Variants in CASC3 observed in about 807,000 individuals in gnomAD.
CASC3 encodes the protein protein CASC3.
A neutral mutation model predicts 80.5 loss-of-function variants in CASC3; 30 were observed. The observed-to-expected ratio is 0.37, with a 90% CI of 0.28 to 0.51. The LOEUF (loss-of-function observed/expected upper bound fraction) is 0.51, where lower values mean the gene tolerates loss of function less well. Among genes scored for constraint, CASC3 ranks in the 20% least tolerant of loss-of-function variants. The probability of loss-of-function intolerance (pLI) is 0.94; values close to 1 mark genes in which losing one functional copy is unlikely to be tolerated. For synonymous variants in CASC3, 312 were observed against 333.6 expected (o/e 0.94, Z 0.70); for missense variants, 824 against 922.2 (o/e 0.89, Z 1.38).
chr17:40,142,941 G>A (rs1988758918), intron 3 of CASC3, among the ~76,000 whole-genome samples: 2 of 151,460 alleles, frequency 1.3e-5, no homozygotes, highest in South Asian at 4.2e-4. Flanking sequence ...ACAAAAATTA[G>A]CTTGGTGTGG....
intron 3 of CASC3, among the ~76,000 whole-genome samples, chr17:40,147,809 T>TA (rs1988897824): frequency 6.6e-6 from 1 of 152,206 alleles, no homozygotes; most frequent in South Asian, 2.1e-4. Flanking sequence ...TAGGTGGTGA[T>TA]ACCTGGTAAA....
At chr17:40,157,073 C>T (rs1053565957) in intron 3 of CASC3, among the ~76,000 whole-genome samples, 2 of 151,960 alleles carry the variant, frequency 1.3e-5, no homozygotes, top group South Asian at 2.1e-4. Flanking sequence ...TGGCCGGGCG[C>T]GGTGGCTCAC....
chr17:40,141,673 T>C (rs1988721504), intron 3 of CASC3, 66 bp downstream of exon 3: 2 of 1,169,812 alleles, frequency 1.7e-6, no homozygotes, highest in South Asian at 2.6e-5. Context: ...TGTACACACC[T>C]TCGTTGCAAA....
At chr17:40,145,640 G>A (rs567504081) in intron 3 of CASC3, among the ~76,000 whole-genome samples, 1 of 152,082 alleles carries the variant, frequency 6.6e-6, no homozygotes, top group South Asian at 2.1e-4. Flanking sequence ...AGGATTGCTT[G>A]AGCCTGGGAA....
intron 7 of CASC3, among the ~76,000 whole-genome samples, chr17:40,164,906 C>A (rs886757286): frequency 1.3e-5 from 2 of 150,980 alleles, no homozygotes; most frequent in Non-Finnish European, 2.9e-5. Context: ...CAGGCTCTCA[C>A]CACCACACCT....
In CASC3 at chr17:40,163,838, A is replaced by G. The variant is rs1204419551; in HGVS notation, c.1143A>G (p.Ser381=). The change falls in exon 7 of 14, where the codon TCA becomes TCG. Residue 381 remains serine, a synonymous_variant. Transcript: ENST00000264645. ...GTCCTGAGAAGGAAGAGGCAGCCTCAGAGCCACCAGCTGCTGCTCCTGATG... is the reference window on the plus strand; with the variant it reads ...GTCCTGAGAAGGAAGAGGCAGCCTCGGAGCCACCAGCTGCTGCTCCTGATG... ...LGSPEKEEAA[S]EPPAAAPDAA... 6.2e-7 allele frequency: 1 copy of G among 1,614,198 alleles called. No individual in the cohort carries two copies.
At chr17:40,151,596 A>C (rs1444725372) in intron 3 of CASC3, among the ~76,000 whole-genome samples, 1 of 150,474 alleles carries the variant, frequency 6.6e-6, no homozygotes, top group Non-Finnish European at 1.5e-5. Flanking sequence ...TGGCAAGCTG[A>C]GGCAGGAGAA....
At chr17:40,167,017 G>C (rs1029263677) in intron 8 of CASC3, 156 bp downstream of exon 8, 7 of 583,378 alleles carry the variant, frequency 1.2e-5, no homozygotes, top group Admixed American at 7.5e-5. Context: ...AGAGTGCAGT[G>C]ACGGGATCAC....
chr17:40,155,523 T>C (rs1035420528), intron 3 of CASC3, among the ~76,000 whole-genome samples: 2 of 152,192 alleles, frequency 1.3e-5, no homozygotes, highest in Non-Finnish European at 2.9e-5. Flanking sequence ...AATGGATGGC[T>C]GAAGTGCAGG....
At chr17:40,154,241 C>G (rs944397953) in intron 3 of CASC3, among the ~76,000 whole-genome samples, 2 of 150,126 alleles carry the variant, frequency 1.3e-5, no homozygotes, top group African/African-American at 4.9e-5. Flanking sequence ...GAGACAAGGT[C>G]TTGCTGTATT....
chr17:40,161,975 G>A, intron 4 of CASC3, 27 bp from the exon 5 acceptor site: 1 of 1,612,800 alleles, frequency 6.2e-7, no homozygotes, highest in Non-Finnish European at 8.5e-7. Flanking sequence ...GCTTGGAAGA[G>A]TAAGGATCCC....
chr17:40,169,477 C>T (rs1376209362), intron 12 of CASC3, 31 bp downstream of exon 12: 2 of 1,588,780 alleles, frequency 1.3e-6, no homozygotes, highest in Non-Finnish European at 1.7e-6. Flanking sequence ...ACTTAATGCA[C>T]ATGCTCCGTC....
rs1230096074 is a variant in CASC3 at position 40,167,069 on chromosome 17, A to G, written c.1536+208A>G. The G allele has an allele frequency of 8.8e-5, 47 of 534,978 alleles. No individual in the cohort carries two copies. The South Asian group carries it at 1.0e-3, about 12-fold the overall frequency. 33.1% of individuals were successfully genotyped at this position (534,978 alleles called of 1,614,324 possible). A position where few individuals can be genotyped will look rare whatever the true frequency, so the allele number is the denominator to read the frequency against. On this transcript the variant is annotated intron_variant, in intron 8 of 13. Transcript: ENST00000264645. ...TGCCTCCTGGGTCCCAGTTCAAGCA[A>G]TTCTGCCTCAGCCTCCCGAGTAGCT...
intron 3 of CASC3, among the ~76,000 whole-genome samples, chr17:40,143,946 A>G (rs1481663539): frequency 2.0e-5 from 3 of 152,044 alleles, no homozygotes; most frequent in African/African-American, 7.2e-5. Flanking sequence ...TACACATTGT[A>G]TATCTATATA....
rs188693451 is a variant in CASC3 at position 40,162,962 on chromosome 17, T to A, written c.785+61T>A. On this transcript the variant is annotated intron_variant, in intron 6 of 13. Transcript: ENST00000264645. ...ATGGTGGCTTACGGTGGCTTACACC[T>A]GGAATCCCGGCACTTTGGGAGGCTG... 3 of 1,477,972 alleles carry A rather than the reference T, an allele frequency of 2.0e-6. No individual in the cohort carries two copies. In the Admixed American group the frequency reaches 5.2e-5, roughly 26 times the overall value. The allele number at this position is 1,477,972 out of a possible 1,614,324, so 91.6% of individuals were successfully genotyped here. A position where few individuals can be genotyped will look rare whatever the true frequency, so the allele number is the denominator to read the frequency against.
intron 3 of CASC3, among the ~76,000 whole-genome samples, chr17:40,155,164 C>T (rs1303464907): frequency 6.6e-6 from 1 of 152,192 alleles, no homozygotes; most frequent in Non-Finnish European, 1.5e-5. Context: ...GCTGGGATTA[C>T]AGGCATGAGC....
intron 3 of CASC3, among the ~76,000 whole-genome samples, chr17:40,151,956 A>G (rs1179415753): frequency 6.6e-6 from 1 of 152,164 alleles, no homozygotes. Context: ...CTCACAAATA[A>G]AAATTGTATA....
chr17:40,165,088 T>G (rs573245709), intron 7 of CASC3, among the ~76,000 whole-genome samples: 11 of 144,552 alleles, frequency 7.6e-5, no homozygotes, highest in African/African-American at 1.5e-4. Context: ...GACTGGCTAG[T>G]TTTTTTTTTT....
Position 40,162,890 on chromosome 17 carries a change from C to G in CASC3, c.774C>G (p.Ile258Met). ...HNPDDIKPRR[I>M]RKPRYGSPPQ... Reference sequence around the variant, plus strand: ...CTGATGACATCAAACCTCGAAGAATCCGGAAACCCCGGTGAGGACATTTTA... The same window carrying G: ...CTGATGACATCAAACCTCGAAGAATGCGGAAACCCCGGTGAGGACATTTTA... Residue 258 changes from isoleucine (I) to methionine (M), a missense_variant, in exon 6 of 14, where the codon ATC (isoleucine) becomes ATG (methionine). Coordinates refer to ENST00000264645, the MANE Select transcript of CASC3 (RefSeq NM_007359.5). The G allele has an allele frequency of 6.2e-7, 1 of 1,613,578 alleles. No individual in the cohort carries two copies. Among genetic ancestry groups the G allele is most frequent in the African/African-American group, 1.3e-5 (1 of 74,916 alleles).
Sources: gnomAD v4.1 joint callset for allele counts (sites outside exome capture counted in the v4.1 genomes callset) on GRCh38, gnomAD v4.1.1 for gene constraint, MANE v1.5 for transcripts, NCBI Gene and HGNC (gene_info 2026-07-23, HGNC 2026-07-21) for gene names.